EYS: variants seen among roughly 807,000 people sequenced by gnomAD.
The protein encoded by EYS is EGF-like photoreceptor maintenance factor, also known as protein eyes shut homolog.
In EYS, 250 loss-of-function variants were observed where a neutral mutation model predicts 282.1. The ratio of observed to expected loss-of-function variants is 0.89; its 90% confidence interval spans 0.80 to 0.98. The LOEUF is 0.98. Ranked by LOEUF, EYS falls within the 50% of genes least tolerant of loss-of-function variation. EYS has a pLI of 0.00. For synonymous variants in EYS, 1,355 were observed against 1,282.9 expected, an observed-to-expected ratio of 1.06 and a Z score of -1.20; for missense variants, 4,016 against 3,709.0, an observed-to-expected ratio of 1.08 and a Z score of -2.15.
chr6:65,277,718 C>G (rs562158975), intron 12 of EYS, among the ~76,000 whole-genome samples: 1 of 152,270 alleles, frequency 6.6e-6, no homozygotes, highest in East Asian at 1.9e-4. Flanking sequence ...GCAAATGTCA[C>G]TCAATGACTT....
In EYS at chr6:64,610,457, G is replaced by A. The variant is rs1325959961; in HGVS notation, c.3684+6961C>T. 2.8e-5 allele frequency among the ~76,000 whole-genome samples: 4 copies of A among 141,872 alleles called. No homozygotes were observed. The Admixed American group carries it at 3.0e-4, about 11-fold the overall frequency. 93.1% of individuals were successfully genotyped at this position (141,872 alleles called of 152,430 possible). ...CTCACTCTGTCGCCCAGGCTGGAGT[G>A]CAGTGGCAAGATCTCGGCTCACTGC... On this transcript the variant is annotated intron_variant, in intron 24 of 42. Transcript: ENST00000503581.
chr6:64,233,216 GA>G (rs1766481741), intron 30 of EYS, among the ~76,000 whole-genome samples: 1 of 152,054 alleles, frequency 6.6e-6, no homozygotes, highest in African/African-American at 2.4e-5. Flanking sequence ...CAATTGATCC[GA>G]AAACATCAGG....
intron 26 of EYS, among the ~76,000 whole-genome samples, chr6:64,554,296 A>G (rs1420736592): frequency 1.3e-5 from 2 of 152,064 alleles, no homozygotes; most frequent in Non-Finnish European, 2.9e-5. Context: ...TAAATACTAA[A>G]ATGTATAAAG....
At chr6:64,791,755 T>G (rs779819621) in intron 22 of EYS, among the ~76,000 whole-genome samples, 23 of 151,866 alleles carry the variant, frequency 1.5e-4, no homozygotes, top group South Asian at 2.1e-4. Context: ...TTTCTTAAGC[T>G]TGAGACACAT....
At chr6:65,117,183 G>A (rs1775400909) in intron 12 of EYS, among the ~76,000 whole-genome samples, 1 of 152,128 alleles carries the variant, frequency 6.6e-6, no homozygotes, top group Admixed American at 6.5e-5. Context: ...TCATTACTTA[G>A]CCTAACCCAA....
rs117435731 is a variant in EYS at position 64,702,769 on chromosome 6, A to G, written c.3444-76524T>C. Among the ~76,000 whole-genome samples, 97 of 152,300 alleles carry G rather than the reference A, an allele frequency of 6.4e-4. 1 individual carries two copies. In the East Asian group the frequency reaches 0.017, roughly 26 times the overall value. On this transcript the variant is annotated intron_variant, in intron 22 of 42. Coordinates refer to ENST00000503581, the MANE Select transcript of EYS (RefSeq NM_001142800.2). ...CTTAATGCTATACTCTGTACTATGC[A>G]CTGTGAATACAGACATAAATATTTA...
intron 32 of EYS, among the ~76,000 whole-genome samples, chr6:64,081,248 A>T (rs1226137337): frequency 6.6e-6 from 1 of 152,178 alleles, no homozygotes; most frequent in African/African-American, 2.4e-5. Context: ...TCAAATTTTG[A>T]ATACTGCTGG....
At chr6:64,647,049 T>C (rs992728153) in intron 22 of EYS, among the ~76,000 whole-genome samples, 2 of 152,122 alleles carry the variant, frequency 1.3e-5, no homozygotes, top group African/African-American at 4.8e-5. Context: ...TTCCAACTTA[T>C]AAAAGAAACC....
intron 30 of EYS, among the ~76,000 whole-genome samples, chr6:64,302,017 CCACTCTAAAGCACACCCTGTGTG>C (rs1769256134): frequency 6.6e-6 from 1 of 152,194 alleles, no homozygotes; most frequent in Admixed American, 6.5e-5. Flanking sequence ...CTAATTAAGT[CCACTCTAAAGCACACCCTGTGTG>C]CACTTTTCCT....
intron 41 of EYS, among the ~76,000 whole-genome samples, chr6:63,743,121 C>G (rs1163979396): frequency 6.6e-6 from 1 of 152,166 alleles, no homozygotes; most frequent in African/African-American, 2.4e-5. Context: ...TTCTCTATAT[C>G]CCTGCCAGCA....
intron 31 of EYS, among the ~76,000 whole-genome samples, chr6:64,119,810 C>A (rs2150272878): frequency 6.6e-6 from 1 of 152,320 alleles, no homozygotes; most frequent in Admixed American, 6.5e-5. Flanking sequence ...TGAAGATGCA[C>A]AGGACAACTA....
At chr6:65,677,559 C>A (rs943897819) in intron 1 of EYS, among the ~76,000 whole-genome samples, 4 of 151,776 alleles carry the variant, frequency 2.6e-5, no homozygotes, top group Admixed American at 6.6e-5. Flanking sequence ...TTAAAGGAGA[C>A]ACAAATAAAT....
chr6:64,173,959 T>TTA (rs1404884007), intron 31 of EYS, among the ~76,000 whole-genome samples: 1 of 152,134 alleles, frequency 6.6e-6, no homozygotes, highest in Non-Finnish European at 1.5e-5. Context: ...AAAATGTGGT[T>TTA]TATATATATG....
chr6:65,684,403 G>A (rs1768934201), intron 1 of EYS, among the ~76,000 whole-genome samples: 1 of 152,008 alleles, frequency 6.6e-6, no homozygotes. Context: ...TTTTCCTAAA[G>A]CCAAACGTGG....
intron 30 of EYS, among the ~76,000 whole-genome samples, chr6:64,262,429 A>C (rs1767618770): frequency 6.6e-6 from 1 of 151,868 alleles, no homozygotes; most frequent in African/African-American, 2.4e-5. Context: ...ATTTTATGTT[A>C]AAATGGTTCA....
At chr6:63,734,076 C>T (rs1419168094) in intron 41 of EYS, among the ~76,000 whole-genome samples, 3 of 152,068 alleles carry the variant, frequency 2.0e-5, no homozygotes, top group Non-Finnish European at 2.9e-5. Context: ...ACATTGGATA[C>T]ACATGGACAT....
intron 37 of EYS, among the ~76,000 whole-genome samples, chr6:63,791,780 C>A (rs1314426425): frequency 6.6e-6 from 1 of 152,012 alleles, no homozygotes; most frequent in East Asian, 1.9e-4. Context: ...TGTATTAGAT[C>A]TGGATGTTAG....
intron 31 of EYS, among the ~76,000 whole-genome samples, chr6:64,192,062 C>T (rs1321270191): frequency 7.0e-6 from 1 of 142,358 alleles, no homozygotes; most frequent in African/African-American, 2.5e-5. Flanking sequence ...TTTTGATTTG[C>T]ATTTCTCTGA....
chr6:64,278,477 T>G (rs778388404), intron 30 of EYS, among the ~76,000 whole-genome samples: 13 of 152,140 alleles, frequency 8.5e-5, no homozygotes, highest in Admixed American at 2.6e-4. Flanking sequence ...TGTAAATTCT[T>G]GAGATATTCT....
Sources: gnomAD v4.1 joint callset for allele counts (sites outside exome capture counted in the v4.1 genomes callset) on GRCh38, gnomAD v4.1.1 for gene constraint, MANE v1.5 for transcripts, NCBI Gene and HGNC (gene_info 2026-07-23, HGNC 2026-07-21) for gene names.